The following POU6F2 variants were observed in gnomAD, a reference collection of about 807,000 sequenced individuals.
POU6F2 encodes the protein POU domain, class 6, transcription factor 2.
POU6F2 carries 31 observed loss-of-function variants against 71.3 expected under a neutral mutation model. That is an observed-to-expected ratio of 0.43 (90% CI 0.33 to 0.59). The LOEUF is 0.59. Among genes scored for constraint, POU6F2 ranks in the 20% least tolerant of loss-of-function variants. The pLI is 0.04. For synonymous variants in POU6F2, 347 were observed against 355.7 expected, an observed-to-expected ratio of 0.98 and a Z score of 0.27; for missense variants, 783 against 856.8, an observed-to-expected ratio of 0.91 and a Z score of 1.07.
intron 1 of POU6F2, among the ~76,000 whole-genome samples, chr7:39,019,416 A>T (rs914285531): frequency 1.3e-5 from 2 of 151,812 alleles, no homozygotes; most frequent in African/African-American, 4.8e-5. Context: ...ATGTTCTTAG[A>T]TTTTTTTTCC....
rs7458495 is a variant in POU6F2 at position 38,985,493 on chromosome 7, C to T, written c.105+7435C>T. Among the ~76,000 whole-genome samples, 33 of 151,988 alleles carry T rather than the reference C, an allele frequency of 2.2e-4. No individual in the cohort carries two copies. In the South Asian group the frequency reaches 3.3e-3, roughly 15 times the overall value. On this transcript the variant is annotated intron_variant, in intron 1 of 9. Transcript: ENST00000518318. ...TCCTTAGGGTTACAATATTGAATTC[C>T]GAATCGGGAAACTTAATCTTGCAGC...
chr7:39,382,625 G>A (rs1202604508), intron 5 of POU6F2, among the ~76,000 whole-genome samples: 1 of 152,232 alleles, frequency 6.6e-6, no homozygotes, highest in Non-Finnish European at 1.5e-5. Context: ...AAGATTAAAG[G>A]TTGGAGGAGG....
chr7:39,186,807 C>T (rs1163362622), intron 2 of POU6F2, among the ~76,000 whole-genome samples: 2 of 152,254 alleles, frequency 1.3e-5, no homozygotes, highest in East Asian at 1.9e-4. Context: ...CCTTCCCCAG[C>T]TCTGTTTCTT....
intron 4 of POU6F2, among the ~76,000 whole-genome samples, chr7:39,300,507 C>T (rs4723847): frequency 0.46 from 69,566 of 152,058 alleles, 16,754 homozygotes; most frequent in Admixed American, 0.59. Flanking sequence ...ATAGTTGGCT[C>T]GGGCTGCTGT....
Position 39,464,090 on chromosome 7 carries a change from T to G in POU6F2, c.1659-92T>G. 1 of 1,476,694 alleles carries G rather than the reference T, an allele frequency of 6.8e-7. No individual in the cohort carries two copies. Among genetic ancestry groups the G allele is most frequent in the East Asian group, 2.3e-5 (1 of 43,928 alleles). 91.5% of individuals were successfully genotyped at this position (1,476,694 alleles called of 1,614,324 possible). A position where few individuals can be genotyped will look rare whatever the true frequency, so the allele number is the denominator to read the frequency against. ...AGCTGGCTATTAACCTGCAGTAAAT[T>G]CGCCCTGCCAGGCAGTCAGGCAGGC... On this transcript the variant is annotated intron_variant, in intron 9 of 9. Transcript: ENST00000518318. The surrounding 1 kb of genome is among the most constrained non-coding windows in gnomAD (Gnocchi z 4.1).
intron 4 of POU6F2, among the ~76,000 whole-genome samples, chr7:39,229,008 G>C (rs1454141204): frequency 6.6e-6 from 1 of 152,120 alleles, no homozygotes; most frequent in Non-Finnish European, 1.5e-5. Flanking sequence ...GTACATCCCT[G>C]CTGATCAGAT....
At chr7:39,443,949 C>T (rs1198702176) in intron 7 of POU6F2, among the ~76,000 whole-genome samples, 1 of 152,156 alleles carries the variant, frequency 6.6e-6, no homozygotes. Flanking sequence ...AGTTCCCTAA[C>T]TCATACTCAG....
intron 4 of POU6F2, among the ~76,000 whole-genome samples, chr7:39,321,666 G>T (rs1785394330): frequency 6.6e-6 from 1 of 152,138 alleles, no homozygotes; most frequent in African/African-American, 2.4e-5. Flanking sequence ...ATGAAGTGCA[G>T]GAAGGCAGAA....
intron 4 of POU6F2, among the ~76,000 whole-genome samples, chr7:39,240,600 C>T (rs1255124294): frequency 6.6e-6 from 1 of 152,126 alleles, no homozygotes; most frequent in African/African-American, 2.4e-5. Flanking sequence ...TTACAAAATG[C>T]TTATTGATTT....
intron 2 of POU6F2, among the ~76,000 whole-genome samples, chr7:39,092,199 G>C (rs886228550): frequency 6.6e-6 from 1 of 152,122 alleles, no homozygotes; most frequent in Non-Finnish European, 1.5e-5. Flanking sequence ...AAAGTTTCCC[G>C]CTGTCAGGTT....
At chr7:39,264,362 T>C (rs1562769015) in intron 4 of POU6F2, among the ~76,000 whole-genome samples, 1 of 152,220 alleles carries the variant, frequency 6.6e-6, no homozygotes, top group Non-Finnish European at 1.5e-5. Flanking sequence ...GCCATCCAAC[T>C]GGGCCCTACT....
At chr7:39,437,331 C>T (rs186264440) in intron 7 of POU6F2, among the ~76,000 whole-genome samples, 20 of 152,246 alleles carry the variant, frequency 1.3e-4, no homozygotes, top group Admixed American at 1.2e-3. Flanking sequence ...GATTTGACTT[C>T]TTCCTGGTTT....
chr7:39,030,946 G>C (rs1388797530), intron 1 of POU6F2, among the ~76,000 whole-genome samples: 1 of 152,050 alleles, frequency 6.6e-6, no homozygotes, highest in East Asian at 1.9e-4. Flanking sequence ...CTGTCACCGG[G>C]CTGGAGGGCA....
chr7:39,381,071 T>A lies in POU6F2; in HGVS notation c.973-25529T>A, dbSNP rs1486214826. 2.0e-5 allele frequency among the ~76,000 whole-genome samples: 3 copies of A among 152,188 alleles called. No homozygotes were observed. The East Asian group carries it at 5.8e-4, about 29-fold the overall frequency. On this transcript the variant is annotated intron_variant, in intron 5 of 9. Coordinates refer to ENST00000518318, the MANE Select transcript of POU6F2 (RefSeq NM_001370959.1). ...CAGCCTTTTTTGTTTTTTGTTTTTG[T>A]TTTTGAGACAGAGTCTCACTCACTC...
chr7:39,239,094 A>G (rs1021326351), intron 4 of POU6F2, among the ~76,000 whole-genome samples: 3 of 152,174 alleles, frequency 2.0e-5, no homozygotes, highest in Admixed American at 2.0e-4. Context: ...CTATATATTT[A>G]AAATTAATGT....
At chr7:39,016,064 A>AG (rs1346848053) in intron 1 of POU6F2, among the ~76,000 whole-genome samples, 3,686 of 33,710 alleles carry the variant, frequency 0.11, 879 homozygotes, top group Non-Finnish European at 0.18. Flanking sequence ...TATTATATAT[A>AG]ATATATAGAT....
intron 2 of POU6F2, among the ~76,000 whole-genome samples, chr7:39,090,744 A>G (rs1241997962): frequency 6.6e-6 from 1 of 152,196 alleles, no homozygotes; most frequent in Non-Finnish European, 1.5e-5. Context: ...TTTTCACCAA[A>G]GAAAGTTTTG....
At chr7:39,353,257 A>G (rs942168776) in intron 5 of POU6F2, among the ~76,000 whole-genome samples, 1 of 152,216 alleles carries the variant, frequency 6.6e-6, no homozygotes, top group Admixed American at 6.5e-5. Context: ...AACTTGTACA[A>G]ATATCAGCCT....
At chr7:39,025,250 G>A (rs12539673) in intron 1 of POU6F2, among the ~76,000 whole-genome samples, 61,950 of 151,850 alleles carry the variant, frequency 0.41, 13,005 homozygotes, top group South Asian at 0.5. Context: ...GTATGTGTCA[G>A]GGAATTTATC....
Sources: allele counts gnomAD v4.1 joint callset (sites outside exome capture counted in the v4.1 genomes callset), GRCh38; gene constraint gnomAD v4.1.1; non-coding constraint Gnocchi (gnomAD v3.1); transcripts MANE v1.5; gene names NCBI Gene and HGNC (gene_info 2026-07-23, HGNC 2026-07-21).